The following NKTR variants were observed in gnomAD, a reference collection of about 807,000 sequenced individuals.
NKTR encodes the protein natural killer cell triggering receptor.
NKTR carries 67 observed loss-of-function variants against 156.3 expected under a neutral mutation model. The ratio of observed to expected loss-of-function variants is 0.43; its 90% CI spans 0.35 to 0.53. The LOEUF is 0.53. Ranked by LOEUF, NKTR falls within the 20% of genes least tolerant of loss-of-function variation. The pLI is 0.01. For missense variants in NKTR, 1,604 were observed against 1,730.9 expected, an observed-to-expected ratio of 0.93 and a Z score of 1.30; for synonymous variants, 640 against 596.6, an observed-to-expected ratio of 1.07 and a Z score of -1.06.
intron 5 of NKTR, chr3:42,620,954 T>G (rs962345342): frequency 3.3e-6 from 3 of 904,206 alleles, no homozygotes; most frequent in Non-Finnish European, 4.0e-6. Flanking sequence ...TAACATAATT[T>G]TTTTGTCTTA....
At chr3:42,601,221 A>G in intron 2 of NKTR, 157 bp downstream of exon 2, 1 of 570,450 alleles carries the variant, frequency 1.8e-6, no homozygotes, top group Admixed American at 3.5e-5. Flanking sequence ...TGGGAGAGGA[A>G]GGTGGCCTGG....
In NKTR at chr3:42,632,658, A is replaced by G. The variant is rs754757181; in HGVS notation, c.608A>G (p.Asn203Ser). The G allele has an allele frequency of 9.9e-6, 16 of 1,613,996 alleles. No individual in the cohort carries two copies. The highest frequency in any genetic ancestry group is 4.5e-5 in the East Asian group (2 of 44,862). ...TCAGAAGGCTCGGATTCCTCTTCCA[A>G]TTCCTCCTCTTCTTCAGAATCATCT... ...THSEGSDSSS[N>S]SSSSSESSSE... Residue 203 changes from asparagine (N) to serine (S), a missense_variant, in exon 9 of 17, where the codon AAT becomes AGT. Physicochemically the swap from Asn to Ser is conservative, Grantham distance 46 (BLOSUM62 1). This residue lies in a region of NKTR where 1,255 missense variants were observed against 1,243.7 expected (regional missense o/e 1.01). Transcript: ENST00000232978.
In NKTR at chr3:42,604,659, C is replaced by CTTTTTTTTTT. The variant is rs71072726; in HGVS notation, c.58+3625_58+3634dup. On this transcript the variant is annotated intron_variant, in intron 2 of 16. Transcript: ENST00000232978. ...AATTGTGGATTTATCTATTTCTCTCCTTTTTTTTTTTTTTTTTTTTTTTTT... is the reference window on the plus strand; with the variant it reads ...AATTGTGGATTTATCTATTTCTCTCCTTTTTTTTTTTTTTTTTTTTTTTTTTTTTTTTTTT... Among the ~76,000 whole-genome samples, 48 of 45,294 alleles carry CTTTTTTTTTT rather than the reference C, an allele frequency of 1.1e-3. 14 individuals carry two copies. Among genetic ancestry groups the CTTTTTTTTTT allele is most frequent in the Non-Finnish European group, 1.4e-3 (34 of 25,130 alleles). 29.7% of individuals were successfully genotyped at this position (45,294 alleles called of 152,430 possible). A position where few individuals can be genotyped will look rare whatever the true frequency, so the allele number is the denominator to read the frequency against.
chr3:42,604,992 A>C (rs867521947), intron 2 of NKTR, among the ~76,000 whole-genome samples: 3 of 151,740 alleles, frequency 2.0e-5, no homozygotes, highest in African/African-American at 7.3e-5. Flanking sequence ...GCCCGGCCGT[A>C]TTTCTCTTTT....
At chr3:42,635,601 A>C (rs577625496) in intron 12 of NKTR, 3 of 317,500 alleles carry the variant, frequency 9.4e-6, no homozygotes, top group Non-Finnish European at 1.7e-5. Context: ...TCTTTTAATG[A>C]CCTCTTAGTC....
rs1267199874 is a variant in NKTR at position 42,621,480 on chromosome 3, A to G, written c.338A>G (p.Asn113Ser). 3 of 1,609,802 alleles carry G rather than the reference A, an allele frequency of 1.9e-6. No individual in the cohort carries two copies. The part of the protein sequence containing the change: ...HDRAFLLSMA[N>S]RGKHTNGSQF... ...AGAGCGTTCCTTTTATCAATGGCAA[A>G]TCGAGGGAAACATACCAATGGTTCC... The change falls in exon 6 of 17, where the codon AAT (asparagine) becomes AGT (serine). Residue 113 changes from asparagine to serine, a missense_variant. This residue lies in a region of NKTR where 61 missense variants were observed against 113.3 expected (regional missense o/e 0.54). Transcript: ENST00000232978.
chr3:42,633,494 CTGT>C (rs1709102111), intron 9 of NKTR, 83 bp from the exon 10 acceptor site: 5 of 1,519,470 alleles, frequency 3.3e-6, no homozygotes, highest in South Asian at 1.3e-5. Flanking sequence ...GTTAATTATG[CTGT>C]TGTTTTAGTA....
chr3:42,619,078 C>A lies in NKTR; in HGVS notation c.192C>A (p.Phe64Leu). ...GKKLCYKGST[F>L]HRVVKNFMIQ... ...AGTTATGTTATAAAGGTTCTACGTT[C>A]CATCGTGTGGTTAAAAACTTTATGA... is the stretch of plus-strand genomic sequence containing the variant. The change falls in exon 4 of 17, where the codon TTC becomes TTA. Residue 64 changes from phenylalanine to leucine, a missense_variant. Phe to Leu is a conservative substitution (Grantham distance 22). Transcript: ENST00000232978. 6.2e-7 allele frequency: 1 copy of A among 1,608,880 alleles called. No homozygotes were observed. The highest frequency in any genetic ancestry group is 8.5e-7 in the Non-Finnish European group (1 of 1,178,102).
intron 5 of NKTR, 72 bp downstream of exon 5, chr3:42,619,780 T>A (rs975616115): frequency 6.3e-7 from 1 of 1,580,432 alleles, no homozygotes; most frequent in Admixed American, 1.9e-5. Context: ...ATACTTTTAA[T>A]GAGAAGAGGT....
chr3:42,626,668 CCAAA>C (rs1174744403), intron 6 of NKTR, among the ~76,000 whole-genome samples: 3 of 152,054 alleles, frequency 2.0e-5, no homozygotes, highest in Non-Finnish European at 4.4e-5. Flanking sequence ...TGATACGTCA[CCAAA>C]CAAAGGTTTC....
intron 6 of NKTR, chr3:42,629,301 G>T (rs1212925334): frequency 3.1e-6 from 3 of 965,522 alleles, no homozygotes; most frequent in Non-Finnish European, 3.7e-6. Flanking sequence ...AGGAATATTT[G>T]AGATTTTTGC....
intron 2 of NKTR, among the ~76,000 whole-genome samples, chr3:42,604,293 CTCTT>C (rs1705952208): frequency 1.3e-5 from 2 of 151,670 alleles, no homozygotes; most frequent in African/African-American, 2.4e-5. Context: ...TTTCATTGTT[CTCTT>C]TCTTTCTAAT....
chr3:42,636,949 T>C lies in NKTR; in HGVS notation c.1245T>C (p.Tyr415=). ...RSRSWSYNGY[Y]SDLSTARHSG... ...GATCATGGTCCTATAATGGATATTATTCAGACCTTAGTACAGCAAGACACT... is the reference window on the plus strand; with the variant it reads ...GATCATGGTCCTATAATGGATATTACTCAGACCTTAGTACAGCAAGACACT... The change falls in exon 13 of 17, where the codon TAT becomes TAC. Residue 415 remains tyrosine, a synonymous_variant. Transcript: ENST00000232978. 1.2e-6 allele frequency: 2 copies of C among 1,607,750 alleles called. No homozygotes were observed. The highest frequency in any genetic ancestry group is 1.7e-6 in the Non-Finnish European group (2 of 1,178,554).
Position 42,638,973 on chromosome 3 carries a change from G to C in NKTR, c.3269G>C (p.Ser1090Thr). The C allele has an allele frequency of 1.2e-6, 2 of 1,613,650 alleles. No individual in the cohort carries two copies. The highest frequency in any genetic ancestry group is 1.7e-6 in the Non-Finnish European group (2 of 1,179,826). ...TTTACTAAAGATGATAGTAAACTCAGTATTTCTCCCACAGCTTTAAATACT... is the reference window on the plus strand; with the variant it reads ...TTTACTAAAGATGATAGTAAACTCACTATTTCTCCCACAGCTTTAAATACT... ...DQFTKDDSKL[S>T]ISPTALNTEE... The change falls in exon 13 of 17, where the codon AGT (serine) becomes ACT (threonine). Residue 1090 changes from serine to threonine, a missense_variant. Coordinates refer to ENST00000232978, the MANE Select transcript of NKTR (RefSeq NM_005385.4).
At chr3:42,620,477 C>T (rs1383126979) in intron 5 of NKTR, 30 of 986,734 alleles carry the variant, frequency 3.0e-5, no homozygotes, top group Middle Eastern at 1.0e-3. Context: ...TAGGTTTTAA[C>T]GCTATAATAG....
intron 5 of NKTR, chr3:42,620,912 A>G (rs2125785622): frequency 1.1e-6 from 1 of 920,608 alleles, no homozygotes; most frequent in Non-Finnish European, 1.3e-6. Flanking sequence ...GTATACACAT[A>G]CTTAATTTAG....
At chr3:42,612,788 CTTTT>C (rs1310818415) in intron 2 of NKTR, among the ~76,000 whole-genome samples, 1 of 151,984 alleles carries the variant, frequency 6.6e-6, no homozygotes, top group Non-Finnish European at 1.5e-5. Flanking sequence ...GGTCTTCTTT[CTTTT>C]TTCTTTGTGA....
At position 42,603,532 on chromosome 3, in the gene NKTR, A is replaced by G. The variant is rs928924925; in HGVS notation, c.58+2468A>G. Among the ~76,000 whole-genome samples, 7 of 152,258 alleles carry G rather than the reference A, an allele frequency of 4.6e-5. No individual in the cohort carries two copies. The South Asian group carries it at 1.5e-3, about 32-fold the overall frequency. ...AATGTTCAATGAACCTCATTCCTCAACATCCAAGGCAATTCATTGTGATAG... is the reference window on the plus strand; with the variant it reads ...AATGTTCAATGAACCTCATTCCTCAGCATCCAAGGCAATTCATTGTGATAG... On this transcript the variant is annotated intron_variant, in intron 2 of 16. Coordinates refer to ENST00000232978, the MANE Select transcript of NKTR (RefSeq NM_005385.4).
At chr3:42,623,066 A>G (rs1708055708) in intron 6 of NKTR, among the ~76,000 whole-genome samples, 1 of 152,036 alleles carries the variant, frequency 6.6e-6, no homozygotes, top group South Asian at 2.1e-4. Context: ...TAAACTAATT[A>G]AAATTCAGTA....
Sources: allele counts gnomAD v4.1 joint callset (sites outside exome capture counted in the v4.1 genomes callset), GRCh38; gene constraint gnomAD v4.1.1; regional missense constraint gnomAD v4.1.1; transcripts MANE v1.5; gene names NCBI Gene and HGNC (gene_info 2026-07-23, HGNC 2026-07-21).